The following NSL1 variants were observed in gnomAD, a reference collection of about 807,000 sequenced individuals.
The protein encoded by NSL1 is kinetochore-associated protein NSL1 homolog.
NSL1 carries 11 observed loss-of-function variants against 25.4 expected under a neutral mutation model. The observed-to-expected ratio is 0.43, with a 90% CI of 0.27 to 0.72. The LOEUF (loss-of-function observed/expected upper bound fraction) is 0.72. NSL1 is among the 30% of genes least tolerant of loss of function. The pLI is 0.19. For synonymous variants in NSL1, 118 were observed against 120.6 expected (o/e 0.98, Z 0.14); for missense variants, 330 against 342.7 (o/e 0.96, Z 0.29).
rs1657852473 is a variant in NSL1 at position 212,727,919 on chromosome 1, C to T, written c.*10489G>A. 9.1e-6 allele frequency: 9 copies of T among 985,372 alleles called. No homozygotes were observed. Among genetic ancestry groups the T allele is most frequent in the Non-Finnish European group, 9.6e-6 (8 of 829,926 alleles). 61.0% of individuals were successfully genotyped at this position (985,372 alleles called of 1,614,324 possible). On this transcript the variant is annotated 3_prime_UTR_variant, in exon 6 of 6. Coordinates refer to ENST00000366977, the MANE Select transcript of NSL1 (RefSeq NM_015471.4). ...ATTGAAAAAAAATGAGAAGAACCAA[C>T]GAGGTCGCTGTGGTGTAGCGGTGAG...
At chr1:212,745,324 T>A (rs1314426739) in intron 4 of NSL1, among the ~76,000 whole-genome samples, 1 of 151,436 alleles carries the variant, frequency 6.6e-6, no homozygotes, top group Non-Finnish European at 1.5e-5. Flanking sequence ...CATTTACACA[T>A]CCAAGAAGCT....
At chr1:212,783,641 T>C (rs1230833981) in intron 3 of NSL1, among the ~76,000 whole-genome samples, 4 of 152,188 alleles carry the variant, frequency 2.6e-5, no homozygotes. Flanking sequence ...GGAGGGACAA[T>C]GCTATTCCCA....
At chr1:212,781,755 T>C (rs761927494) in intron 4 of NSL1, among the ~76,000 whole-genome samples, 2 of 152,338 alleles carry the variant, frequency 1.3e-5, no homozygotes, top group East Asian at 1.9e-4. Context: ...AAAACTGTTA[T>C]AAATTTTTAA....
chr1:212,769,646 T>C (rs1660003775), intron 4 of NSL1, among the ~76,000 whole-genome samples: 1 of 152,154 alleles, frequency 6.6e-6, no homozygotes, highest in Non-Finnish European at 1.5e-5. Flanking sequence ...AAAAAGACAG[T>C]ATCTACCATC....
intron 4 of NSL1, among the ~76,000 whole-genome samples, chr1:212,772,491 A>C (rs1279129145): frequency 2.0e-5 from 3 of 151,786 alleles, no homozygotes; most frequent in Admixed American, 6.6e-5. Flanking sequence ...TCTTGTTTCT[A>C]CCAAAAAACA....
intron 4 of NSL1, among the ~76,000 whole-genome samples, chr1:212,772,485 G>A (rs1345162620): frequency 6.6e-6 from 1 of 151,738 alleles, no homozygotes; most frequent in Admixed American, 6.6e-5. Flanking sequence ...TGAAACTCTT[G>A]TTTCTACCAA....
In NSL1 at chr1:212,732,965, A is replaced by G. The variant is rs1177058502; in HGVS notation, c.*5443T>C. Reference sequence around the variant, plus strand: ...TGATGCCATTCCAATTCCTCTTGGTATTCCTCAGGTCTGGGAATGTTTCTT... The same window carrying G: ...TGATGCCATTCCAATTCCTCTTGGTGTTCCTCAGGTCTGGGAATGTTTCTT... On this transcript the variant is annotated 3_prime_UTR_variant, in exon 6 of 6. Transcript: ENST00000366977. Among the ~76,000 whole-genome samples, 3 of 152,152 alleles carry G rather than the reference A, an allele frequency of 2.0e-5. No homozygotes were observed. Among genetic ancestry groups the G allele is most frequent in the African/African-American group, 7.2e-5 (3 of 41,440 alleles).
chr1:212,742,326 T>C (rs751514343), intron 4 of NSL1, among the ~76,000 whole-genome samples: 1 of 152,148 alleles, frequency 6.6e-6, no homozygotes, highest in Non-Finnish European at 1.5e-5. Context: ...GAAGTATGGA[T>C]GGAACTTGAA....
At chr1:212,790,497 A>G (rs1251505620) in intron 1 of NSL1, among the ~76,000 whole-genome samples, 1 of 152,216 alleles carries the variant, frequency 6.6e-6, no homozygotes, top group African/African-American at 2.4e-5. Flanking sequence ...TTTTTTGGGA[A>G]CACAAGAAAT....
Position 212,738,473 on chromosome 1 carries a change from T to C in NSL1, c.781A>G (p.Thr261Ala), listed in dbSNP as rs1210014359. 4 of 1,614,132 alleles carry C rather than the reference T, an allele frequency of 2.5e-6. No individual in the cohort carries two copies. In the Admixed American group the frequency reaches 6.7e-5, roughly 27 times the overall value. The change falls in exon 6 of 6, where the codon ACT becomes GCT. Residue 261 changes from threonine to alanine, a missense_variant. Transcript: ENST00000366977. ...CATTTTCTCTGGGGGCAGTCTTTAG[T>C]TTGCTTTCTTTTCAGTACCATGTCA... ...TSDMVLKRKQTKDCPQRKWYP... is the reference protein window; with the variant it reads ...TSDMVLKRKQAKDCPQRKWYP...
chr1:212,776,071 TC>T (rs1407497585), intron 4 of NSL1, among the ~76,000 whole-genome samples: 3 of 152,128 alleles, frequency 2.0e-5, no homozygotes, highest in African/African-American at 7.2e-5. Context: ...CACCTCGGCC[TC>T]CCAAAGTGCT....
intron 4 of NSL1, among the ~76,000 whole-genome samples, chr1:212,773,414 A>T (rs1423092084): frequency 1.3e-5 from 2 of 152,224 alleles, no homozygotes; most frequent in African/African-American, 4.8e-5. Context: ...GCAAATAGCC[A>T]AAAGATATAT....
intron 4 of NSL1, among the ~76,000 whole-genome samples, chr1:212,742,310 A>T (rs1427238146): frequency 6.6e-6 from 1 of 152,216 alleles, no homozygotes; most frequent in East Asian, 1.9e-4. Context: ...AGAAAGCAGA[A>T]GATCAGAAGT....
intron 4 of NSL1, among the ~76,000 whole-genome samples, chr1:212,749,341 T>G (rs1415377240): frequency 1.3e-3 from 9 of 6,968 alleles, no homozygotes; most frequent in East Asian, 4.3e-3. Flanking sequence ...TTTATTGTGT[T>G]TTTTTTTTTT....
At position 212,735,480 on chromosome 1, in the gene NSL1, T is replaced by C. The variant is rs1313870429; in HGVS notation, c.*2928A>G. ...CAATAAAAAATTTGGTTTTATTCAC[T>C]TTGTCCTCTACGGAGCCCAAGCCAT... On this transcript the variant is annotated 3_prime_UTR_variant, in exon 6 of 6. Coordinates refer to ENST00000366977, the MANE Select transcript of NSL1 (RefSeq NM_015471.4). 1.0e-6 allele frequency: 1 copy of C among 985,324 alleles called. No individual in the cohort carries two copies. The highest frequency in any genetic ancestry group is 1.7e-5 in the African/African-American group (1 of 57,246). 61.0% of individuals were successfully genotyped at this position (985,324 alleles called of 1,614,324 possible).
chr1:212,779,054 A>AC (rs530933950), intron 4 of NSL1, among the ~76,000 whole-genome samples: 24,465 of 135,268 alleles, frequency 0.18, 2,465 homozygotes, highest in African/African-American at 0.29. Context: ...CCCGGCCACG[A>AC]CCCCATCTAG....
chr1:212,784,443 T>C lies in NSL1; in HGVS notation c.364A>G (p.Ile122Val), dbSNP rs1365310843. 2.5e-6 allele frequency: 4 copies of C among 1,594,580 alleles called. No individual in the cohort carries two copies. The highest frequency in any genetic ancestry group is 3.4e-6 in the Non-Finnish European group (4 of 1,165,396). ...EDQFDEIIVDIATKRKQYPRK... is the reference protein window; with the variant it reads ...EDQFDEIIVDVATKRKQYPRK... Reference sequence around the variant, plus strand: ...GGATACTGCTTACGTTTTGTGGCTATATCTACTATGATTTCATCAAACTGA... The same window carrying C: ...GGATACTGCTTACGTTTTGTGGCTACATCTACTATGATTTCATCAAACTGA... The change falls in exon 3 of 6, where the codon ATA becomes GTA. Residue 122 changes from isoleucine to valine, a missense_variant. Transcript: ENST00000366977.
At chr1:212,767,997 A>G (rs1442459370) in intron 4 of NSL1, among the ~76,000 whole-genome samples, 1 of 152,234 alleles carries the variant, frequency 6.6e-6, no homozygotes, top group Admixed American at 6.5e-5. Flanking sequence ...TACAACCACT[A>G]TTGAAAACAA....
chr1:212,729,198 T>C lies in NSL1; in HGVS notation c.*9210A>G, dbSNP rs1445540706. On this transcript the variant is annotated 3_prime_UTR_variant, in exon 6 of 6. Transcript: ENST00000366977. The stretch of plus-strand genomic sequence containing the variant: ...AATTCCACAGAAGTTTCCAAACCCA[T>C]GAGTTTCACTCTCAGGTTCCCTCTA... 2 of 985,356 alleles carry C rather than the reference T, an allele frequency of 2.0e-6. No individual in the cohort carries two copies. Among genetic ancestry groups the C allele is most frequent in the East Asian group, 2.3e-4 (2 of 8,834 alleles). 61.0% of individuals were successfully genotyped at this position (985,356 alleles called of 1,614,324 possible).
Sources: gnomAD v4.1 joint callset for allele counts (sites outside exome capture counted in the v4.1 genomes callset) on GRCh38, gnomAD v4.1.1 for gene constraint, MANE v1.5 for transcripts, NCBI Gene and HGNC (gene_info 2026-07-23, HGNC 2026-07-21) for gene names.